DCC: variants seen among roughly 807,000 people sequenced by gnomAD.
DCC encodes the protein DCC netrin 1 receptor.
Under a neutral mutation model 172.5 loss-of-function variants are expected in DCC, and 58 were observed. The observed-to-expected ratio is 0.34, with a 90% CI of 0.27 to 0.42. The LOEUF (loss-of-function observed/expected upper bound fraction) is 0.42, where lower values mean the gene tolerates loss of function less well. Ranked by LOEUF, DCC falls within the 10% of genes least tolerant of loss-of-function variation. The pLI, the probability that DCC is intolerant of heterozygous loss-of-function variation, is 1.00. For synonymous variants in DCC, 709 were observed against 644.5 expected, an observed-to-expected ratio of 1.10 and a Z score of -1.52; for missense variants, 1,740 against 1,791.0, an observed-to-expected ratio of 0.97 and a Z score of 0.51.
chr18:52,693,131 G>T lies in DCC; in HGVS notation c.92-58923G>T, dbSNP rs188626738. 1.7e-3 allele frequency among the ~76,000 whole-genome samples: 255 copies of T among 151,528 alleles called. 1 individual carries two copies. The highest frequency in any genetic ancestry group is 6.0e-3 in the African/African-American group (247 of 41,356). On this transcript the variant is annotated intron_variant, in intron 1 of 28. Transcript: ENST00000442544. ...TAGGGAAGTTACAGATAACTACAAG[G>T]CAAATCAAAAGAACCCTGGGGTATT...
chr18:52,466,972 G>C (rs1270375347), intron 1 of DCC, among the ~76,000 whole-genome samples: 7 of 151,922 alleles, frequency 4.6e-5, no homozygotes, highest in African/African-American at 7.3e-5. Flanking sequence ...TTCAAATCTA[G>C]GTAGCCTGAG....
intron 2 of DCC, among the ~76,000 whole-genome samples, chr18:52,810,160 T>A (rs1279765021): frequency 2.0e-5 from 3 of 152,172 alleles, no homozygotes; most frequent in Non-Finnish European, 2.9e-5. Context: ...AAATTTTAAT[T>A]TTCTTAAGAC....
At chr18:53,106,116 C>T (rs534101683) in intron 7 of DCC, among the ~76,000 whole-genome samples, 223 of 151,808 alleles carry the variant, frequency 1.5e-3, no homozygotes, top group African/African-American at 4.8e-3. Context: ...TAATAAAATC[C>T]CTGACACATC....
intron 7 of DCC, among the ~76,000 whole-genome samples, chr18:53,084,320 T>C (rs2042848987): frequency 6.6e-6 from 1 of 152,224 alleles, no homozygotes; most frequent in African/African-American, 2.4e-5. Context: ...AGTTAATAAA[T>C]TGATGATGGC....
chr18:53,280,628 C>T (rs1017854802), intron 12 of DCC, among the ~76,000 whole-genome samples: 1 of 152,006 alleles, frequency 6.6e-6, no homozygotes, highest in Non-Finnish European at 1.5e-5. Context: ...GATAGATTTT[C>T]TCTGGTATGA....
intron 1 of DCC, among the ~76,000 whole-genome samples, chr18:52,417,098 T>C (rs183213325): frequency 2.6e-5 from 4 of 152,202 alleles, no homozygotes; most frequent in African/African-American, 9.6e-5. Context: ...CATTTGCTTA[T>C]CTGTAAAGTA....
At chr18:52,672,080 G>A (rs765726601) in intron 1 of DCC, among the ~76,000 whole-genome samples, 16 of 152,008 alleles carry the variant, frequency 1.1e-4, no homozygotes, top group Admixed American at 2.6e-4. Context: ...AGTGTCCACC[G>A]CCTAATATTA....
chr18:53,255,643 T>G (rs539513105), intron 12 of DCC, among the ~76,000 whole-genome samples: 2 of 152,216 alleles, frequency 1.3e-5, no homozygotes, highest in African/African-American at 4.8e-5. Flanking sequence ...GTTCCAAGTC[T>G]TTGCTATTGG....
chr18:53,309,831 AGT>A (rs1237306973), intron 13 of DCC, among the ~76,000 whole-genome samples: 1 of 151,684 alleles, frequency 6.6e-6, no homozygotes, highest in Non-Finnish European at 1.5e-5. Flanking sequence ...TGATTTCATG[AGT>A]TATAATAAAG....
At chr18:53,494,992 G>A (rs1007646937) in intron 26 of DCC, among the ~76,000 whole-genome samples, 2 of 152,234 alleles carry the variant, frequency 1.3e-5, no homozygotes, top group African/African-American at 4.8e-5. Context: ...TGTAAGGCAG[G>A]CCTGGTGGTG....
At chr18:53,030,755 G>A (rs2042015728) in intron 5 of DCC, among the ~76,000 whole-genome samples, 1 of 152,152 alleles carries the variant, frequency 6.6e-6, no homozygotes, top group South Asian at 2.1e-4. Flanking sequence ...CACAGTGTTA[G>A]TTGCATTCCC....
chr18:53,223,260 G>T (rs1237441607), intron 12 of DCC, among the ~76,000 whole-genome samples: 1 of 151,918 alleles, frequency 6.6e-6, no homozygotes, highest in East Asian at 1.9e-4. Flanking sequence ...TTATATTTTT[G>T]TCTTTTCCAA....
At chr18:53,358,530 CTTTTTTTTTT>C (rs35093625) in intron 15 of DCC, among the ~76,000 whole-genome samples, 1 of 95,920 alleles carries the variant, frequency 1.0e-5, no homozygotes, top group Non-Finnish European at 1.9e-5. Context: ...TTCTCTCTCT[CTTTTTTTTTT>C]TTTTTTTTTT....
chr18:53,134,553 C>T (rs1021648400), intron 7 of DCC, among the ~76,000 whole-genome samples: 1 of 152,070 alleles, frequency 6.6e-6, no homozygotes, highest in African/African-American at 2.4e-5. Context: ...CACAGAACTG[C>T]CTTGAGGGAC....
chr18:52,393,448 T>C (rs2144354805), intron 1 of DCC, among the ~76,000 whole-genome samples: 1 of 152,202 alleles, frequency 6.6e-6, no homozygotes, highest in South Asian at 2.1e-4. Flanking sequence ...GGGTGAGACC[T>C]AGCAATCCAT....
chr18:53,276,107 T>C lies in DCC; in HGVS notation c.1912-29471T>C, dbSNP rs73463051. 2.8e-3 allele frequency among the ~76,000 whole-genome samples: 425 copies of C among 152,302 alleles called. 4 individuals carry two copies. The highest frequency in any genetic ancestry group is 9.8e-3 in the African/African-American group (408 of 41,582). On this transcript the variant is annotated intron_variant, in intron 12 of 28. Transcript: ENST00000442544. The stretch of plus-strand genomic sequence containing the variant: ...ATTAGAATATGTTTGCTAGGATAGT[T>C]ATGAAATAGGCTAATATCCATTAAC...
chr18:53,088,939 A>C (rs146216206), intron 7 of DCC, among the ~76,000 whole-genome samples: 5 of 152,240 alleles, frequency 3.3e-5, no homozygotes, highest in Admixed American at 3.3e-4. Flanking sequence ...GTGATACTTG[A>C]TAATATGAAT....
intron 5 of DCC, among the ~76,000 whole-genome samples, chr18:53,004,717 T>A (rs1338141203): frequency 1.3e-5 from 2 of 152,172 alleles, no homozygotes; most frequent in Non-Finnish European, 2.9e-5. Context: ...TGTTTGTTTT[T>A]TCTTGCCTTC....
chr18:52,706,868 G>T (rs2036220362), intron 1 of DCC, among the ~76,000 whole-genome samples: 1 of 152,136 alleles, frequency 6.6e-6, no homozygotes, highest in Non-Finnish European at 1.5e-5. Flanking sequence ...TGAGCCCAAG[G>T]TGTCTCCTTT....
Sources: allele counts gnomAD v4.1 joint callset (sites outside exome capture counted in the v4.1 genomes callset), GRCh38; gene constraint gnomAD v4.1.1; transcripts MANE v1.5; gene names NCBI Gene and HGNC (gene_info 2026-07-23, HGNC 2026-07-21).